Variants in DNM3 observed in about 807,000 individuals in gnomAD.
The protein encoded by DNM3 is dynamin-3.
Under a neutral mutation model 101.6 loss-of-function variants are expected in DNM3, and 47 were observed. That is an observed-to-expected ratio of 0.46 (90% CI 0.37 to 0.59). DNM3 has a LOEUF of 0.59. Ranked by LOEUF, DNM3 falls within the 20% of genes least tolerant of loss-of-function variation. DNM3 has a pLI of 0.00. For missense variants in DNM3, 849 were observed against 1,085.7 expected (o/e 0.78, Z 3.06); for synonymous variants, 385 against 387.9 (o/e 0.99, Z 0.09).
rs2063213912 is a variant in DNM3, at chr1:172,274,724, T to TTG, written c.1769+21043_1769+21044insGT. Among the ~76,000 whole-genome samples, 5 of 6,252 alleles carry TTG rather than the reference T, an allele frequency of 8.0e-4. No individual in the cohort carries two copies. The South Asian group carries it at 0.048, about 60-fold the overall frequency. The allele number at this position is 6,252 out of a possible 152,430, so 4.1% of individuals were successfully genotyped here. On this transcript the variant is annotated intron_variant, in intron 15 of 20. Transcript: ENST00000627582. ...GTTTTTAAACCTTCTCTAGTGAAGG[T>TTG]TTTTTTTTTTTTTTTAATTTTCAAT...
intron 15 of DNM3, among the ~76,000 whole-genome samples, chr1:172,274,361 G>T (rs369638153): frequency 7.2e-5 from 11 of 152,164 alleles, no homozygotes; most frequent in Admixed American, 5.9e-4. Flanking sequence ...GTTTGAGAAG[G>T]ATGTGTGGAA....
intron 14 of DNM3, among the ~76,000 whole-genome samples, chr1:172,184,285 A>G (rs1263289705): frequency 1.3e-5 from 2 of 152,120 alleles, no homozygotes; most frequent in African/African-American, 4.8e-5. Context: ...AAGCAAAGAA[A>G]ATTATCACAA....
chr1:171,987,538 T>A lies in DNM3; in HGVS notation c.236-118T>A, dbSNP rs2045346050. ...TTAGTAACTACTGTGTTCTGTGGGATGTTCATGAAGGAAGAAGAGAGAATA... is the reference window on the plus strand; with the variant it reads ...TTAGTAACTACTGTGTTCTGTGGGAAGTTCATGAAGGAAGAAGAGAGAATA... On this transcript the variant is annotated intron_variant, in intron 2 of 20. Coordinates refer to ENST00000627582, the MANE Select transcript of DNM3 (RefSeq NM_015569.5). The A allele has an allele frequency of 4.6e-6, 5 of 1,076,020 alleles. No homozygotes were observed. In the East Asian group the frequency reaches 1.2e-4, roughly 27 times the overall value. The allele number at this position is 1,076,020 out of a possible 1,614,324, so 66.7% of individuals were successfully genotyped here. A position where few individuals can be genotyped will look rare whatever the true frequency, so the allele number is the denominator to read the frequency against.
At chr1:172,248,540 T>C (rs796482072) in intron 14 of DNM3, among the ~76,000 whole-genome samples, 14 of 152,154 alleles carry the variant, frequency 9.2e-5, no homozygotes, top group African/African-American at 3.1e-4. Context: ...TTGAGAGTTA[T>C]AGAAGAAAAA....
chr1:171,968,792 A>T (rs1368544480), intron 2 of DNM3, among the ~76,000 whole-genome samples: 1 of 152,202 alleles, frequency 6.6e-6, no homozygotes. Flanking sequence ...AAGGGAAAAA[A>T]AATGGGACTA....
At chr1:171,974,808 A>G (rs10914127) in intron 2 of DNM3, among the ~76,000 whole-genome samples, 120,569 of 151,800 alleles carry the variant, frequency 0.79, 47,913 homozygotes, top group Middle Eastern at 0.86. Flanking sequence ...CTTCATACTA[A>G]GGACAACCTT....
chr1:172,282,162 A>C (rs531345605), intron 15 of DNM3, among the ~76,000 whole-genome samples: 1 of 152,232 alleles, frequency 6.6e-6, no homozygotes, highest in East Asian at 1.9e-4. Context: ...GGAGGAGCTG[A>C]AGTTTGTGTT....
chr1:171,867,987 G>T (rs2034922546), intron 1 of DNM3, among the ~76,000 whole-genome samples: 1 of 152,160 alleles, frequency 6.6e-6, no homozygotes, highest in Non-Finnish European at 1.5e-5. Flanking sequence ...ATCTTGGGTT[G>T]TAGAAAGATT....
At chr1:172,400,816 T>C (rs543462713) in intron 20 of DNM3, among the ~76,000 whole-genome samples, 1 of 152,300 alleles carries the variant, frequency 6.6e-6, no homozygotes, top group Non-Finnish European at 1.5e-5. Flanking sequence ...TTTCTCAAAC[T>C]TCAGTACTTT....
At chr1:172,166,359 A>G (rs2058743771) in intron 14 of DNM3, among the ~76,000 whole-genome samples, 1 of 152,082 alleles carries the variant, frequency 6.6e-6, no homozygotes, top group Admixed American at 6.6e-5. Flanking sequence ...ATTAATGTAT[A>G]TTTTTAATCA....
intron 14 of DNM3, among the ~76,000 whole-genome samples, chr1:172,190,348 T>C (rs1454294596): frequency 1.3e-5 from 2 of 152,188 alleles, no homozygotes; most frequent in African/African-American, 2.4e-5. Flanking sequence ...GAACTCATCC[T>C]TTTTTATGGC....
At chr1:172,232,683 A>C (rs2061384413) in intron 14 of DNM3, among the ~76,000 whole-genome samples, 1 of 152,210 alleles carries the variant, frequency 6.6e-6, no homozygotes, top group African/African-American at 2.4e-5. Flanking sequence ...ATTATAACAA[A>C]CTGTCTCTCA....
chr1:171,871,531 C>A (rs1389452597), intron 1 of DNM3, among the ~76,000 whole-genome samples: 1 of 152,156 alleles, frequency 6.6e-6, no homozygotes, highest in East Asian at 1.9e-4. Context: ...AGGATTCTCG[C>A]AAGAACTGTA....
intron 4 of DNM3, among the ~76,000 whole-genome samples, chr1:171,997,530 A>G (rs1297254574): frequency 6.6e-6 from 1 of 152,140 alleles, no homozygotes; most frequent in Non-Finnish European, 1.5e-5. Context: ...TTCTCAAAGG[A>G]GCACTTCCTC....
chr1:171,990,141 G>A (rs1387668812), intron 4 of DNM3, among the ~76,000 whole-genome samples: 1 of 152,032 alleles, frequency 6.6e-6, no homozygotes, highest in Non-Finnish European at 1.5e-5. Context: ...CTTCCTCCAA[G>A]GACTTTAGTG....
intron 13 of DNM3, among the ~76,000 whole-genome samples, chr1:172,130,383 G>GA (rs1040313400): frequency 3.3e-5 from 5 of 151,692 alleles, no homozygotes; most frequent in Non-Finnish European, 1.5e-5. Flanking sequence ...ACTCTGAGGG[G>GA]AAAAAAACCT....
At chr1:172,170,538 T>A (rs1178972152) in intron 14 of DNM3, among the ~76,000 whole-genome samples, 1 of 151,926 alleles carries the variant, frequency 6.6e-6, no homozygotes, top group Non-Finnish European at 1.5e-5. Context: ...TGTGTAAGGC[T>A]CCTAGTATGG....
intron 12 of DNM3, among the ~76,000 whole-genome samples, chr1:172,085,928 T>C (rs1013323227): frequency 6.6e-6 from 1 of 152,146 alleles, no homozygotes; most frequent in African/African-American, 2.4e-5. Context: ...GGTATTGGAG[T>C]ATAAAAAGAT....
At chr1:171,951,884 G>A (rs1332569718) in intron 2 of DNM3, among the ~76,000 whole-genome samples, 1 of 152,120 alleles carries the variant, frequency 6.6e-6, no homozygotes, top group Non-Finnish European at 1.5e-5. Flanking sequence ...ACAAATTGTA[G>A]GTAAAATCAT....
Sources: gnomAD v4.1 joint callset for allele counts (sites outside exome capture counted in the v4.1 genomes callset) on GRCh38, gnomAD v4.1.1 for gene constraint, MANE v1.5 for transcripts, NCBI Gene and HGNC (gene_info 2026-07-23, HGNC 2026-07-21) for gene names.